Variants in ZBTB9 observed in about 807,000 individuals in gnomAD.
ZBTB9 encodes zinc finger and BTB domain containing 9.
ZBTB9 carries 17 observed loss-of-function variants against 26.3 expected under a neutral mutation model. The observed-to-expected ratio is 0.65, with a 90% CI of 0.44 to 0.97. ZBTB9 has a LOEUF of 0.97. ZBTB9 is among the 50% of genes least tolerant of loss of function. The pLI is 0.00. For synonymous variants in ZBTB9, 226 were observed against 234.3 expected (o/e 0.96, Z 0.32); for missense variants, 510 against 594.2 (o/e 0.86, Z 1.47).
At position 33,456,000 on chromosome 6, in the gene ZBTB9, A is replaced by T; in HGVS notation, c.900A>T (p.Gly300=). Residue 300 remains glycine (G), a synonymous_variant, in exon 2 of 2, where the codon GGA becomes GGT. Coordinates refer to ENST00000395064, the MANE Select transcript of ZBTB9 (RefSeq NM_152735.4). Reference sequence around the variant, plus strand: ...CTAAGGAGGAGATATCAGGAAGCGGAACTCAGCCTGGAGGAGCAAAGGAGG... The same window carrying T: ...CTAAGGAGGAGATATCAGGAAGCGGTACTCAGCCTGGAGGAGCAAAGGAGG... ...FEPKEEISGS[G]TQPGGAKEET... is the part of the protein sequence containing the mutation. 2 of 1,614,076 alleles carry T rather than the reference A, an allele frequency of 1.2e-6. No individual in the cohort carries two copies. The highest frequency in any genetic ancestry group is 1.7e-6 in the Non-Finnish European group (2 of 1,180,006).
upstream of ZBTB9, chr6:33,454,463 T>C (rs1761435642): frequency 1.3e-5 from 2 of 153,176 alleles, no homozygotes; most frequent in African/African-American, 2.4e-5. Flanking sequence ...AGCACCGCCC[T>C]CCTCGTCTGC....
Position 33,455,491 on chromosome 6 carries a change from G to A in ZBTB9, c.391G>A (p.Val131Ile), listed in dbSNP as rs1397954853. The A allele has an allele frequency of 6.2e-7, 1 of 1,614,034 alleles. No homozygotes were observed. Among genetic ancestry groups the A allele is most frequent in the Non-Finnish European group, 8.5e-7 (1 of 1,179,986 alleles). The change falls in exon 2 of 2, where the codon GTA (valine) becomes ATA (isoleucine). Residue 131 changes from valine to isoleucine, a missense_variant. Val to Ile is a conservative substitution (Grantham distance 29). Transcript: ENST00000395064. Reference sequence around the variant, plus strand: ...CAGTGGCCTTCAAATGTGGCAGGTAGTAGATCAGTGCTCAGAAATTCTTAG... The same window carrying A: ...CAGTGGCCTTCAAATGTGGCAGGTAATAGATCAGTGCTCAGAAATTCTTAG... ...VASGLQMWQV[V>I]DQCSEILREL...
Position 33,454,860 on chromosome 6 carries a change from G to A in ZBTB9, c.-72+85G>A. 3 of 557,268 alleles carry A rather than the reference G, an allele frequency of 5.4e-6. No homozygotes were observed. The South Asian group carries it at 8.2e-5, about 15-fold the overall frequency. 34.5% of individuals were successfully genotyped at this position (557,268 alleles called of 1,614,324 possible). On this transcript the variant is annotated intron_variant, in intron 1 of 1. Transcript: ENST00000395064. ...AAAACCCCTGTTGGTGTTTAGTGGT[G>A]GTGGTTGTTGTTGTTGTTTGTTTTT...
At position 33,456,682 on chromosome 6, in the gene ZBTB9, T is replaced by C. The variant is rs1761492874; in HGVS notation, c.*160T>C. The C allele has an allele frequency of 7.7e-7, 1 of 1,298,110 alleles. No individual in the cohort carries two copies. Among genetic ancestry groups the C allele is most frequent in the Non-Finnish European group, 1.0e-6 (1 of 985,886 alleles). The allele number at this position is 1,298,110 out of a possible 1,614,324, so 80.4% of individuals were successfully genotyped here. On this transcript the variant is annotated 3_prime_UTR_variant, in exon 2 of 2. Transcript: ENST00000395064. The surrounding 1 kb of genome is among the most constrained non-coding windows in gnomAD (Gnocchi z 5.1). ...GTTCTTAGATATGGGCCTCTCAGCC[T>C]GGCAGATGTGGAAACTCAAATTTCT...
In ZBTB9 at chr6:33,455,062, C is replaced by T. The variant is rs750361623; in HGVS notation, c.-39C>T. ...CCCGCGTGGAGTCTACCCCCAAGCC[C>T]TTCTCCTCTTCCCAATTCTTGTCAC... On this transcript the variant is annotated 5_prime_UTR_variant, in exon 2 of 2. Coordinates refer to ENST00000395064, the MANE Select transcript of ZBTB9 (RefSeq NM_152735.4). 2.6e-6 allele frequency: 4 copies of T among 1,552,246 alleles called. No individual in the cohort carries two copies. The highest frequency in any genetic ancestry group is 1.4e-5 in the African/African-American group (1 of 73,104).
upstream of ZBTB9, chr6:33,454,451 C>T (rs778148359): frequency 1.4e-4 from 22 of 153,182 alleles, no homozygotes; most frequent in Middle Eastern, 6.8e-3. Context: ...TGCCCTCCTA[C>T]TAGCACCGCC....
In ZBTB9 at chr6:33,454,795, T is replaced by A; in HGVS notation, c.-72+20T>A. On this transcript the variant is annotated intron_variant, in intron 1 of 1. Transcript: ENST00000395064. Reference sequence around the variant, plus strand: ...GGGCAGGTGAAGGCAGGCTGGTGGCTGAAGGACCTCCTTCTTATCTTCCAC... The same window carrying A: ...GGGCAGGTGAAGGCAGGCTGGTGGCAGAAGGACCTCCTTCTTATCTTCCAC... The A allele has an allele frequency of 2.2e-6, 1 of 446,276 alleles. No individual in the cohort carries two copies. The highest frequency in any genetic ancestry group is 4.0e-6 in the Non-Finnish European group (1 of 252,770). 27.6% of individuals were successfully genotyped at this position (446,276 alleles called of 1,614,324 possible).
intron 1 of ZBTB9, 91 bp from the exon 2 acceptor site, chr6:33,454,939 T>G: frequency 8.5e-7 from 1 of 1,182,540 alleles, no homozygotes; most frequent in Non-Finnish European, 1.1e-6. Flanking sequence ...CTTAAAAGTT[T>G]CCAGTTATTG....
At position 33,455,364 on chromosome 6, in the gene ZBTB9, G is replaced by A. The variant is rs761581544; in HGVS notation, c.264G>A (p.Pro88=). 3.1e-6 allele frequency: 5 copies of A among 1,614,030 alleles called. No individual in the cohort carries two copies. The highest frequency in any genetic ancestry group is 2.2e-5 in the East Asian group (1 of 44,892). The change falls in exon 2 of 2, where the codon CCG becomes CCA. Residue 88 remains proline, a synonymous_variant. Transcript: ENST00000395064. ...GGGATGCGCCTCGTCTCACTCTACC[G>A]AGTGTCATTGAAGCCGATGCCTTCG... ...LLGDAPRLTL[P]SVIEADAFEG...
At position 33,455,656 on chromosome 6, in the gene ZBTB9, A is replaced by G. The variant is rs759634030; in HGVS notation, c.556A>G (p.Thr186Ala). 6.2e-6 allele frequency: 10 copies of G among 1,614,002 alleles called. No individual in the cohort carries two copies. The East Asian group carries it at 2.0e-4, about 32-fold the overall frequency. Residue 186 changes from threonine to alanine, a missense_variant, in exon 2 of 2, where the codon ACT becomes GCT. Coordinates refer to ENST00000395064, the MANE Select transcript of ZBTB9 (RefSeq NM_152735.4). ...GACCCCAGTACAGTCCTCTGCTTCT[A>G]CTGAAAGCCCTGCTTCCACTGAGAG... Reference protein sequence around the residue: ...FQTPVQSSASTESPASTESPV... With the variant: ...FQTPVQSSASAESPASTESPV...
Position 33,455,149 on chromosome 6 carries a change from A to G in ZBTB9, c.49A>G (p.Asn17Asp), listed in dbSNP as rs1350717262. The change falls in exon 2 of 2, where the codon AAC (asparagine) becomes GAC (aspartate). Residue 17 changes from asparagine to aspartate, a missense_variant. By Grantham distance (23) the Asn-to-Asp change is conservative. This residue lies in a region of ZBTB9 where 439 missense variants were observed against 460.4 expected (regional missense o/e 0.95). Transcript: ENST00000395064. Reference sequence around the variant, plus strand: ...GCCTGTACCCGCCTCCCCGACCTGCAACCCAGCCCCACGGACAATCCAGAT... The same window carrying G: ...GCCTGTACCCGCCTCCCCGACCTGCGACCCAGCCCCACGGACAATCCAGAT... ...LPPVPASPTC[N>D]PAPRTIQIEF... The G allele has an allele frequency of 6.2e-7, 1 of 1,613,432 alleles. No individual in the cohort carries two copies. The highest frequency in any genetic ancestry group is 1.7e-5 in the Admixed American group (1 of 59,958).
rs781600082 is a variant in ZBTB9, at chr6:33,456,118, G to T, written c.1018G>T (p.Gly340Cys). 1 of 1,612,952 alleles carries T rather than the reference G, an allele frequency of 6.2e-7. No individual in the cohort carries two copies. The highest frequency in any genetic ancestry group is 8.5e-7 in the Non-Finnish European group (1 of 1,179,512). Residue 340 changes from glycine to cysteine, a missense_variant, in exon 2 of 2, where the codon GGT (glycine) becomes TGT (cysteine). By Grantham distance (159) the Gly-to-Cys change is radical (BLOSUM62 -3). Coordinates refer to ENST00000395064, the MANE Select transcript of ZBTB9 (RefSeq NM_152735.4). This position sits in a 1 kb window ranked among gnomAD's most constrained non-coding sequence, Gnocchi z 5.1. ...SGPGPTSGGG[G>C]PSWKPVDLHG... ...GCCAGGGCCAACATCTGGGGGAGGG[G>T]GTCCATCCTGGAAACCAGTGGATCT... is the stretch of plus-strand genomic sequence containing the variant.
rs962136683 is a variant in ZBTB9 at position 33,456,627 on chromosome 6, C to G, written c.*105C>G. ...ACCAGTCATGGATCTTGTAATCATG[C>G]CAAGAGAATAGATACATTATGGACC... On this transcript the variant is annotated 3_prime_UTR_variant, in exon 2 of 2. Transcript: ENST00000395064. The surrounding 1 kb of genome is among the most constrained non-coding windows in gnomAD (Gnocchi z 5.1). 4.7e-6 allele frequency: 7 copies of G among 1,500,282 alleles called. No homozygotes were observed. Among genetic ancestry groups the G allele is most frequent in the Non-Finnish European group, 5.3e-6 (6 of 1,121,872 alleles). The allele number at this position is 1,500,282 out of a possible 1,614,324, so 92.9% of individuals were successfully genotyped here. A position where few individuals can be genotyped will look rare whatever the true frequency, so the allele number is the denominator to read the frequency against.
Position 33,455,357 on chromosome 6 carries a change from C to T in ZBTB9, c.257C>T (p.Thr86Ile). ...KLLLGDAPRLTLPSVIEADAF... is the reference protein window; with the variant it reads ...KLLLGDAPRLILPSVIEADAF... ...CTTCTGGGGGATGCGCCTCGTCTCA[C>T]TCTACCGAGTGTCATTGAAGCCGAT... The change falls in exon 2 of 2, where the codon ACT becomes ATT. Residue 86 changes from threonine (T) to isoleucine (I), a missense_variant. Physicochemically the swap from Thr to Ile is moderately conservative, Grantham distance 89. Around this residue, in one of 2 missense-constraint regions of ZBTB9, gnomAD observed 439 missense variants for 460.4 expected, o/e 0.95. Transcript: ENST00000395064. 6.2e-7 allele frequency: 1 copy of T among 1,614,214 alleles called. No individual in the cohort carries two copies. Among genetic ancestry groups the T allele is most frequent in the Non-Finnish European group, 8.5e-7 (1 of 1,180,052 alleles).
In ZBTB9 at chr6:33,457,193, C is replaced by A. The variant is rs1761500702; in HGVS notation, c.*671C>A. The A allele has an allele frequency of 6.0e-6, 1 of 167,132 alleles. No individual in the cohort carries two copies. The highest frequency in any genetic ancestry group is 6.5e-5 in the Admixed American group (1 of 15,286). 10.4% of individuals were successfully genotyped at this position (167,132 alleles called of 1,614,324 possible). On this transcript the variant is annotated 3_prime_UTR_variant, in exon 2 of 2. Transcript: ENST00000395064. ...TCTTTAATAGAGGGTCTTCCCTCAACAGCCTGTGCCTCTGGTCTACCTTTG... is the reference window on the plus strand; with the variant it reads ...TCTTTAATAGAGGGTCTTCCCTCAAAAGCCTGTGCCTCTGGTCTACCTTTG...
chr6:33,456,477 A>C lies in ZBTB9; in HGVS notation c.1377A>C (p.Leu459=). The C allele has an allele frequency of 3.7e-6, 6 of 1,613,688 alleles. No homozygotes were observed. Among genetic ancestry groups the C allele is most frequent in the Non-Finnish European group, 5.1e-6 (6 of 1,179,796 alleles). ...VHACFLRHRD[L]CKGQGWATAH... ...CCTGTTTTCTCCGCCACCGGGACCT[A>C]TGCAAGGGCCAGGGCTGGGCCACTG... Residue 459 remains leucine (L), a synonymous_variant, in exon 2 of 2, where the codon CTA becomes CTC. Transcript: ENST00000395064. This position sits in a 1 kb window ranked among gnomAD's most constrained non-coding sequence, Gnocchi z 5.1.
chr6:33,456,835 T>G lies in ZBTB9; in HGVS notation c.*313T>G. 2.9e-6 allele frequency: 1 copy of G among 344,044 alleles called. No homozygotes were observed. 21.3% of individuals were successfully genotyped at this position (344,044 alleles called of 1,614,324 possible). On this transcript the variant is annotated 3_prime_UTR_variant, in exon 2 of 2. Coordinates refer to ENST00000395064, the MANE Select transcript of ZBTB9 (RefSeq NM_152735.4). The surrounding 1 kb of genome is among the most constrained non-coding windows in gnomAD (Gnocchi z 5.1). ...GTGATGTCCATTAAGGAAACCAGAT[T>G]TTCAATTATTTAGTGAGAGAAGAGT...
In ZBTB9 at chr6:33,455,933, TG is replaced by T; in HGVS notation, c.834del (p.Ile282SerfsTer43). The T allele has an allele frequency of 6.2e-7, 1 of 1,612,094 alleles. No individual in the cohort carries two copies. ...APLELPAPPALPPKIFYIKQE... is the reference protein window; with the variant it reads ...APLELPAPPAXPPKIFYIKQE... ...CTTGAGCTTCCTGCCCCTCCTGCAC[TG>T]CCCCCCAAAATCTTCTACATTAAGC... is the stretch of plus-strand genomic sequence containing the variant. On this transcript the variant is annotated frameshift_variant, in exon 2 of 2. Transcript: ENST00000395064. LOFTEE classifies it high-confidence loss of function.
chr6:33,453,844 A>AT (rs948557465), upstream of ZBTB9: 1 of 151,768 alleles, frequency 6.6e-6, no homozygotes, highest in Non-Finnish European at 1.5e-5. Context: ...TCCCAATGAG[A>AT]TTTTTTATAT....
Sources: allele counts gnomAD v4.1 joint callset, GRCh38; gene constraint gnomAD v4.1.1; regional missense constraint gnomAD v4.1.1; non-coding constraint Gnocchi (gnomAD v3.1); transcripts MANE v1.5; gene names NCBI Gene and HGNC (gene_info 2026-07-23, HGNC 2026-07-21).